CTNNA2: variants seen among roughly 807,000 people sequenced by gnomAD.
CTNNA2 encodes the protein catenin alpha-2.
Under a neutral mutation model 101.0 loss-of-function variants are expected in CTNNA2, and 42 were observed. The observed-to-expected ratio is 0.42, with a 90% CI of 0.32 to 0.54. The LOEUF (loss-of-function observed/expected upper bound fraction) is 0.54, where lower values mean the gene tolerates loss of function less well. CTNNA2 is among the 20% of genes least tolerant of loss of function. The pLI, the probability that CTNNA2 is intolerant of heterozygous loss-of-function variation, is 0.14. For missense variants in CTNNA2, 871 were observed against 1,223.1 expected (o/e 0.71, Z 4.29); for synonymous variants, 450 against 456.4 (o/e 0.99, Z 0.18).
intron 7 of CTNNA2, among the ~76,000 whole-genome samples, chr2:80,218,828 T>C (rs76847796): frequency 0.029 from 4,466 of 152,330 alleles, 233 homozygotes; most frequent in African/African-American, 0.1. Context: ...TACTTTGTGT[T>C]GTTGAATTGG....
At chr2:79,553,560 G>A (rs1025310621) in intron 1 of CTNNA2, among the ~76,000 whole-genome samples, 1 of 152,188 alleles carries the variant, frequency 6.6e-6, no homozygotes, top group Non-Finnish European at 1.5e-5. Context: ...AAGCATGGCT[G>A]GAGGGGCCTC....
intron 1 of CTNNA2, among the ~76,000 whole-genome samples, chr2:79,579,345 C>A (rs759987621): frequency 2.6e-5 from 4 of 151,634 alleles, no homozygotes; most frequent in African/African-American, 9.7e-5. Flanking sequence ...CTGGATCCCC[C>A]CTGTGGCCCT....
intron 2 of CTNNA2, among the ~76,000 whole-genome samples, chr2:79,692,183 A>G (rs562452280): frequency 6.6e-6 from 1 of 152,288 alleles, no homozygotes; most frequent in Non-Finnish European, 1.5e-5. Flanking sequence ...ACAAGAGAAA[A>G]AGAACCACAT....
chr2:80,050,820 C>T (rs1199431155), intron 7 of CTNNA2, among the ~76,000 whole-genome samples: 4 of 152,170 alleles, frequency 2.6e-5, no homozygotes, highest in Non-Finnish European at 5.9e-5. Context: ...CCTGCCTCAG[C>T]TTCATCCTCT....
At chr2:80,489,838 A>G (rs897608121) in intron 9 of CTNNA2, among the ~76,000 whole-genome samples, 1 of 152,178 alleles carries the variant, frequency 6.6e-6, no homozygotes, top group African/African-American at 2.4e-5. Context: ...TTCAACCTAG[A>G]GCCTTGCTCT....
chr2:79,580,523 T>C (rs1334404854), intron 1 of CTNNA2, among the ~76,000 whole-genome samples: 1 of 152,212 alleles, frequency 6.6e-6, no homozygotes, highest in South Asian at 2.1e-4. Context: ...AAGTGGTAAC[T>C]TTAGCCTGGT....
At chr2:80,085,309 C>T (rs2148811492) in intron 7 of CTNNA2, among the ~76,000 whole-genome samples, 1 of 152,178 alleles carries the variant, frequency 6.6e-6, no homozygotes, top group Admixed American at 6.5e-5. Flanking sequence ...ACTTGTCCCC[C>T]AGAGCTTCCT....
intron 3 of CTNNA2, among the ~76,000 whole-genome samples, chr2:79,344,950 A>G (rs1234651136): frequency 6.7e-6 from 1 of 149,438 alleles, no homozygotes; most frequent in Non-Finnish European, 1.5e-5. Flanking sequence ...AGTACTTGGT[A>G]TTTGGGAGGT....
chr2:79,725,863 G>T (rs1250843233), intron 2 of CTNNA2, among the ~76,000 whole-genome samples: 5 of 152,156 alleles, frequency 3.3e-5, no homozygotes, highest in Non-Finnish European at 5.9e-5. Context: ...CCAGGAGGAA[G>T]TAATTGAAAC....
At chr2:79,597,443 G>A (rs1677271203) in intron 1 of CTNNA2, among the ~76,000 whole-genome samples, 1 of 146,774 alleles carries the variant, frequency 6.8e-6, no homozygotes, top group African/African-American at 2.6e-5. Flanking sequence ...CTGCACTCCA[G>A]CCTGGGCGAC....
At chr2:79,504,038 T>C (rs765914955) in intron 4 of CTNNA2, among the ~76,000 whole-genome samples, 2 of 152,170 alleles carry the variant, frequency 1.3e-5, no homozygotes, top group Non-Finnish European at 2.9e-5. Flanking sequence ...CCAAAGAGGC[T>C]ACTCCACTAA....
intron 7 of CTNNA2, among the ~76,000 whole-genome samples, chr2:80,131,015 A>C (rs1187446052): frequency 6.6e-6 from 1 of 151,332 alleles, no homozygotes. Flanking sequence ...CATATGGTTT[A>C]GTTCATTTTA....
intron 7 of CTNNA2, among the ~76,000 whole-genome samples, chr2:80,349,551 C>T (rs773127608): frequency 1.3e-4 from 20 of 152,094 alleles, no homozygotes; most frequent in Non-Finnish European, 2.1e-4. Flanking sequence ...GATCTTCCCA[C>T]CTTCCTTTTT....
chr2:80,246,129 C>A (rs1257780640), intron 7 of CTNNA2, among the ~76,000 whole-genome samples: 1 of 152,090 alleles, frequency 6.6e-6, no homozygotes, highest in Non-Finnish European at 1.5e-5. Flanking sequence ...TATCTTGCCT[C>A]TCTAAGTAGA....
intron 7 of CTNNA2, among the ~76,000 whole-genome samples, chr2:80,359,443 T>C (rs1674171481): frequency 2.0e-5 from 3 of 152,296 alleles, no homozygotes; most frequent in Non-Finnish European, 4.4e-5. Context: ...AGGCGGAGCC[T>C]GGTGGGAGGT....
At chr2:80,029,101 C>G (rs1695124006) in intron 7 of CTNNA2, among the ~76,000 whole-genome samples, 1 of 152,146 alleles carries the variant, frequency 6.6e-6, no homozygotes, top group Non-Finnish European at 1.5e-5. Context: ...GCTTATCTAG[C>G]CTTCCCAATT....
At chr2:80,246,755 C>T (rs1038481642) in intron 7 of CTNNA2, among the ~76,000 whole-genome samples, 27 of 152,302 alleles carry the variant, frequency 1.8e-4, no homozygotes, top group Non-Finnish European at 3.1e-4. Context: ...GAAGTAAGCA[C>T]TGTGCAAAGG....
At chr2:79,644,394 G>A (rs1007275457) in intron 1 of CTNNA2, among the ~76,000 whole-genome samples, 11 of 152,084 alleles carry the variant, frequency 7.2e-5, no homozygotes, top group African/African-American at 2.4e-4. Context: ...CAGATAATTC[G>A]GGATAATTTC....
intron 3 of CTNNA2, among the ~76,000 whole-genome samples, chr2:79,779,890 C>T (rs1236586097): frequency 3.3e-5 from 5 of 152,120 alleles, no homozygotes; most frequent in African/African-American, 9.7e-5. Context: ...TAGTTCAGGC[C>T]ATGATGGGAG....
Sources: allele counts gnomAD v4.1 joint callset (sites outside exome capture counted in the v4.1 genomes callset), GRCh38; gene constraint gnomAD v4.1.1; transcripts MANE v1.5; gene names NCBI Gene and HGNC (gene_info 2026-07-23, HGNC 2026-07-21).